The following ANKS3 variants were observed in gnomAD, a reference collection of about 807,000 sequenced individuals.
ANKS3 encodes ankyrin repeat and sterile alpha motif domain containing 3.
A neutral mutation model predicts 80.7 loss-of-function variants in ANKS3; 62 were observed. The ratio of observed to expected loss-of-function variants is 0.77; its 90% CI spans 0.63 to 0.95. The LOEUF (loss-of-function observed/expected upper bound fraction) is 0.95, where lower values mean the gene tolerates loss of function less well. Among genes scored for constraint, ANKS3 ranks in the 40% least tolerant of loss-of-function variants. The pLI, the probability that ANKS3 is intolerant of heterozygous loss-of-function variation, is 0.00. For missense variants in ANKS3, 1,150 were observed against 883.6 expected, an observed-to-expected ratio of 1.30 and a Z score of -3.82; for synonymous variants, 489 against 355.3, an observed-to-expected ratio of 1.38 and a Z score of -4.23.
In ANKS3 at chr16:4,726,728, T is replaced by G. The variant is rs1204748340; in HGVS notation, c.422A>C (p.His141Pro). The G allele has an allele frequency of 6.2e-7, 1 of 1,614,040 alleles. No homozygotes were observed. The highest frequency in any genetic ancestry group is 2.2e-5 in the East Asian group (1 of 44,886). Residue 141 changes from histidine to proline, a missense_variant, in exon 5 of 18, where the codon CAC (histidine) becomes CCC (proline). Physicochemically the swap from His to Pro is moderately conservative, Grantham distance 77. Transcript: ENST00000304283. ...KDIQGWTALF[H>P]CTSAGHQHMV... ...GTGCTGGTGCCCGGCGCTGGTACAG[T>G]GGAAGAGGGCTGTCCAGCCCTGGAT...
chr16:4,722,109 G>C lies in ANKS3; in HGVS notation c.573+2641C>G, dbSNP rs60118237. ...AGGCAGGGTGGGGGACAGGCCTGCG[G>C]TGCACCCACCTTCTGGTCTGCATGT... On this transcript the variant is annotated intron_variant, in intron 6 of 17. Transcript: ENST00000304283. Among the ~76,000 whole-genome samples the C allele has an allele frequency of 7.7e-3, 1,164 of 151,450 alleles. 15 individuals carry two copies. Among genetic ancestry groups the C allele is most frequent in the African/African-American group, 0.027 (1,103 of 41,462 alleles).
intron 3 of ANKS3, 122 bp downstream of exon 3, chr16:4,729,858 G>A: frequency 2.0e-6 from 2 of 989,164 alleles, no homozygotes; most frequent in Non-Finnish European, 2.7e-6. Context: ...CCTGAGATAA[G>A]CAGGTTAACC....
intron 2 of ANKS3, among the ~76,000 whole-genome samples, chr16:4,731,014 G>A (rs1431355308): frequency 6.6e-6 from 1 of 152,198 alleles, no homozygotes; most frequent in Admixed American, 6.5e-5. Flanking sequence ...TATAATGGAT[G>A]CTACTCAGCA....
chr16:4,732,874 A>T (rs859317), intron 1 of ANKS3, among the ~76,000 whole-genome samples: 82,702 of 151,712 alleles, frequency 0.55, 22,864 homozygotes, highest in East Asian at 0.67. Context: ...GACACAATGG[A>T]GTACTATTCA....
In ANKS3 at chr16:4,734,174, C is replaced by T. The variant is rs1450437212; in HGVS notation, c.-307G>A. On this transcript the variant is annotated 5_prime_UTR_variant, in exon 1 of 18. Transcript: ENST00000304283. ...AACCCACCTGTGCTGGGCCTCAGGCCTTGCGCCGCCCTCGGGCTGCCGTCG... is the reference window on the plus strand; with the variant it reads ...AACCCACCTGTGCTGGGCCTCAGGCTTTGCGCCGCCCTCGGGCTGCCGTCG... 3 of 321,858 alleles carry T rather than the reference C, an allele frequency of 9.3e-6. No homozygotes were observed. Among genetic ancestry groups the T allele is most frequent in the African/African-American group, 6.9e-5 (3 of 43,628 alleles). The allele number at this position is 321,858 out of a possible 1,614,324, so 19.9% of individuals were successfully genotyped here. A position where few individuals can be genotyped will look rare whatever the true frequency, so the allele number is the denominator to read the frequency against.
At chr16:4,705,060 T>C (rs2080108998) in intron 8 of ANKS3, 35 bp downstream of exon 8, 2 of 1,603,974 alleles carry the variant, frequency 1.2e-6, no homozygotes, top group African/African-American at 1.3e-5. Flanking sequence ...TGGTATGCAA[T>C]GAGAAAGAGC....
At chr16:4,700,727 A>C in intron 11 of ANKS3, 1 of 666,280 alleles carries the variant, frequency 1.5e-6, no homozygotes, top group Non-Finnish European at 2.7e-6. Context: ...AGGGAGGCCA[A>C]CTCCAGTATG....
At position 4,734,203 on chromosome 16, in the gene ANKS3, ACC is replaced by A. The variant is rs71402561; in HGVS notation, c.-338_-337del. The stretch of plus-strand genomic sequence containing the variant: ...CGCCGCCCTCGGGCTGCCGTCGCCA[ACC>A]CCCCCCAAACAGCTCGCCGCCACGC... On this transcript the variant is annotated 5_prime_UTR_variant, in exon 1 of 18. Coordinates refer to ENST00000304283, the MANE Select transcript of ANKS3 (RefSeq NM_133450.4). 4.1e-5 allele frequency: 7 copies of A among 170,134 alleles called. No homozygotes were observed. The South Asian group carries it at 7.7e-4, about 19-fold the overall frequency. 10.5% of individuals were successfully genotyped at this position (170,134 alleles called of 1,614,324 possible).
rs534931401 is a variant in ANKS3 at position 4,718,927 on chromosome 16, G to A, written c.574-4741C>T. Among the ~76,000 whole-genome samples the A allele has an allele frequency of 6.9e-4, 105 of 152,284 alleles. No homozygotes were observed. The South Asian group carries it at 0.015, about 22-fold the overall frequency. On this transcript the variant is annotated intron_variant, in intron 6 of 17. Coordinates refer to ENST00000304283, the MANE Select transcript of ANKS3 (RefSeq NM_133450.4). ...GAAATACATATTTAGGGGAAAAGGGGCATTATGTCACAATTTACATTTAAA... is the reference window on the plus strand; with the variant it reads ...GAAATACATATTTAGGGGAAAAGGGACATTATGTCACAATTTACATTTAAA...
At position 4,698,887 on chromosome 16, in the gene ANKS3, A is replaced by G. The variant is rs772825453; in HGVS notation, c.1464T>C (p.Ser488=). Residue 488 remains serine, a synonymous_variant, in exon 13 of 18, where the codon AGT becomes AGC. Transcript: ENST00000304283. ...MTSAIARWHS[S]ARPPGDALEL... ...CCAGGGCATCCCCGGGTGGGCGGGC[A>G]CTGCTGTGCCAGCGGGCAATGGCGG... 3 of 1,600,462 alleles carry G rather than the reference A, an allele frequency of 1.9e-6. No homozygotes were observed. Among genetic ancestry groups the G allele is most frequent in the Non-Finnish European group, 2.6e-6 (3 of 1,172,652 alleles).
At chr16:4,729,170 G>A (rs191608979) in intron 3 of ANKS3, among the ~76,000 whole-genome samples, 4 of 152,276 alleles carry the variant, frequency 2.6e-5, no homozygotes, top group Admixed American at 1.3e-4. Context: ...CCTGCCAGGG[G>A]CTTTATATTG....
chr16:4,713,957 G>A lies in ANKS3; in HGVS notation c.709+94C>T, dbSNP rs186446200. The A allele has an allele frequency of 4.9e-4, 737 of 1,510,444 alleles. 5 individuals carry two copies. In the African/African-American group the frequency reaches 8.7e-3, roughly 18 times the overall value. 93.6% of individuals were successfully genotyped at this position (1,510,444 alleles called of 1,614,324 possible). ...GAGCCAAATCTCAGAGAAGGTGGGA[G>A]CCGGGGAAGCGGGGGACATCTTTCT... On this transcript the variant is annotated intron_variant, in intron 7 of 17. Transcript: ENST00000304283.
chr16:4,697,331 A>G lies in ANKS3; in HGVS notation c.1894+2T>C. The G allele has an allele frequency of 6.2e-7, 1 of 1,601,186 alleles. No homozygotes were observed. On this transcript the variant is annotated splice_donor_variant, in intron 16 of 17. Transcript: ENST00000304283. LOFTEE classifies it high-confidence loss of function. ...TCAGTCGTCTGGTCCCCGGAGACTCACCCATCTCACGGACACGGTCCTCCA... is the reference window on the plus strand; with the variant it reads ...TCAGTCGTCTGGTCCCCGGAGACTCGCCCATCTCACGGACACGGTCCTCCA...
chr16:4,704,578 A>C (rs2080087121), intron 8 of ANKS3, among the ~76,000 whole-genome samples: 1 of 152,020 alleles, frequency 6.6e-6, no homozygotes, highest in African/African-American at 2.4e-5. Context: ...AGACTGGAAA[A>C]CCCAAAGGCT....
intron 6 of ANKS3, among the ~76,000 whole-genome samples, chr16:4,718,211 T>A (rs2080905238): frequency 6.6e-6 from 1 of 152,172 alleles, no homozygotes; most frequent in Admixed American, 6.5e-5. Flanking sequence ...TGAGCCACTA[T>A]GCCTGATGTG....
intron 6 of ANKS3, among the ~76,000 whole-genome samples, chr16:4,722,059 C>T (rs1228297590): frequency 3.3e-5 from 5 of 151,376 alleles, no homozygotes; most frequent in South Asian, 2.1e-4. Flanking sequence ...CAGAGTCGCC[C>T]GTGGGGAGGG....
At chr16:4,699,197 G>A (rs375010906) in intron 11 of ANKS3, 21 bp from the exon 12 acceptor site, 49 of 1,613,082 alleles carry the variant, frequency 3.0e-5, no homozygotes, top group Non-Finnish European at 4.0e-5. Flanking sequence ...CAGGGGACAG[G>A]TTGGGGGAGG....
intron 1 of ANKS3, among the ~76,000 whole-genome samples, chr16:4,732,687 A>AAC (rs1370517746): frequency 2.1e-5 from 3 of 145,486 alleles, no homozygotes; most frequent in Middle Eastern, 3.4e-3. Context: ...TCAAAAAAAA[A>AAC]AACAAAAAAA....
chr16:4,703,857 G>A (rs924779788), intron 8 of ANKS3, among the ~76,000 whole-genome samples: 5 of 141,400 alleles, frequency 3.5e-5, no homozygotes, highest in South Asian at 2.3e-4. Context: ...ACAAAGAACC[G>A]CACACAAGCG....
Sources: gnomAD v4.1 joint callset for allele counts (sites outside exome capture counted in the v4.1 genomes callset) on GRCh38, gnomAD v4.1.1 for gene constraint, MANE v1.5 for transcripts, NCBI Gene and HGNC (gene_info 2026-07-23, HGNC 2026-07-21) for gene names.